The following CDK13 variants were observed in gnomAD, a reference collection of about 807,000 sequenced individuals.
The protein encoded by CDK13 is cyclin dependent kinase 13, also known as cyclin-dependent kinase 13.
A neutral mutation model predicts 137.6 loss-of-function variants in CDK13; 40 were observed. That is an observed-to-expected ratio of 0.29 (90% CI 0.23 to 0.38). CDK13 has a LOEUF of 0.38. Among genes scored for constraint, CDK13 ranks in the 10% least tolerant of loss-of-function variants. CDK13 has a pLI of 1.00. For missense variants in CDK13, 1,704 were observed against 1,951.8 expected (o/e 0.87, Z 2.39); for synonymous variants, 869 against 760.1 (o/e 1.14, Z -2.36).
chr7:40,076,674 AAG>A (rs1258430461), intron 9 of CDK13, among the ~76,000 whole-genome samples: 5 of 151,702 alleles, frequency 3.3e-5, no homozygotes, highest in African/African-American at 7.3e-5. Flanking sequence ...TGAGACAAAA[AAG>A]TACATTTCAG....
chr7:40,088,111 C>CTTT lies in CDK13; in HGVS notation c.3030-6_3030-4dup. The stretch of plus-strand genomic sequence containing the variant: ...AGAAATGCCATTTACAATTTAATTC[C>CTTT]TTTTTTTTTTTCAGTCTCCCTTTAT... On this transcript the variant is annotated splice_polypyrimidine_tract_variant and intron_variant, in intron 11 of 13. Coordinates refer to ENST00000181839, the MANE Select transcript of CDK13 (RefSeq NM_003718.5). The CTTT allele has an allele frequency of 1.5e-6, 2 of 1,330,052 alleles. No individual in the cohort carries two copies. The highest frequency in any genetic ancestry group is 1.4e-5 in the South Asian group (1 of 72,030). The allele number at this position is 1,330,052 out of a possible 1,614,324, so 82.4% of individuals were successfully genotyped here.
At chr7:40,039,271 T>TA (rs1046336753) in intron 5 of CDK13, among the ~76,000 whole-genome samples, 3 of 150,654 alleles carry the variant, frequency 2.0e-5, no homozygotes, top group Non-Finnish European at 4.4e-5. Context: ...TATATACAGA[T>TA]AGAGAGAGAG....
intron 5 of CDK13, among the ~76,000 whole-genome samples, chr7:40,007,440 G>T (rs1337116227): frequency 6.6e-6 from 1 of 152,030 alleles, no homozygotes; most frequent in African/African-American, 2.4e-5. Flanking sequence ...GTTTGTTTTT[G>T]TTTTGAGACG....
intron 5 of CDK13, among the ~76,000 whole-genome samples, chr7:40,045,198 A>G (rs183737665): frequency 6.6e-6 from 1 of 152,186 alleles, no homozygotes; most frequent in Admixed American, 6.5e-5. Context: ...TTCTTTTAGG[A>G]TTTCTAAATC....
chr7:40,015,129 T>C (rs1014270193), intron 5 of CDK13, among the ~76,000 whole-genome samples: 6 of 152,224 alleles, frequency 3.9e-5, no homozygotes, highest in South Asian at 4.1e-4. Flanking sequence ...AATGACTTTC[T>C]TCTCTGGGTT....
At chr7:40,076,836 G>C (rs1786555439) in intron 9 of CDK13, among the ~76,000 whole-genome samples, 1 of 152,050 alleles carries the variant, frequency 6.6e-6, no homozygotes, top group African/African-American at 2.4e-5. Flanking sequence ...CGTATGTTTG[G>C]AATATTTTTA....
intron 7 of CDK13, among the ~76,000 whole-genome samples, chr7:40,054,868 G>C (rs528495417): frequency 6.6e-6 from 1 of 152,248 alleles, no homozygotes; most frequent in Admixed American, 6.5e-5. Context: ...AAATATTAAT[G>C]AGATTTACAA....
chr7:40,006,747 A>C (rs955590015), intron 5 of CDK13, among the ~76,000 whole-genome samples: 54 of 152,236 alleles, frequency 3.5e-4, no homozygotes, highest in Admixed American at 1.3e-4. Context: ...GCGCCACTGC[A>C]CTCCAGCCTG....
chr7:40,033,490 A>G (rs1785421484), intron 5 of CDK13, among the ~76,000 whole-genome samples: 1 of 152,184 alleles, frequency 6.6e-6, no homozygotes, highest in South Asian at 2.1e-4. Flanking sequence ...TACGTGGTGT[A>G]GAAGGAACTG....
At position 39,976,288 on chromosome 7, in the gene CDK13, G is replaced by GTCTCTCTCTCTC. The variant is rs1174858221; in HGVS notation, c.1212-11286_1212-11275dup. ...AGCCTGGGCAACAGAGCGAGATTCC[G>GTCTCTCTCTCTC]TCTCTCTCTCTCTCTCTCTCTCTCT... On this transcript the variant is annotated intron_variant, in intron 1 of 13. Coordinates refer to ENST00000181839, the MANE Select transcript of CDK13 (RefSeq NM_003718.5). Among the ~76,000 whole-genome samples the GTCTCTCTCTCTC allele has an allele frequency of 9.1e-3, 272 of 29,868 alleles. 26 individuals carry two copies. Among genetic ancestry groups the GTCTCTCTCTCTC allele is most frequent in the Non-Finnish European group, 0.014 (160 of 11,278 alleles). 19.6% of individuals were successfully genotyped at this position (29,868 alleles called of 152,430 possible).
intron 5 of CDK13, among the ~76,000 whole-genome samples, chr7:40,042,448 C>G (rs1213888293): frequency 6.9e-6 from 1 of 144,832 alleles, no homozygotes. Flanking sequence ...GTTATAGATA[C>G]TTCTCCAGTT....
Position 40,078,730 on chromosome 7 carries a change from G to T in CDK13, c.2908G>T (p.Ala970Ser). The T allele has an allele frequency of 6.7e-7, 1 of 1,503,210 alleles. No individual in the cohort carries two copies. The allele number at this position is 1,503,210 out of a possible 1,614,324, so 93.1% of individuals were successfully genotyped here. A position where few individuals can be genotyped will look rare whatever the true frequency, so the allele number is the denominator to read the frequency against. Reference protein sequence around the residue: ...LREEFVFIPAAALDLFDYMLA... With the variant: ...LREEFVFIPASALDLFDYMLA... The stretch of plus-strand genomic sequence containing the variant: ...ATCCTCTCATGCTAGTATTCCTGCA[G>T]CTGCGCTAGACTTATTTGATTACAT... Residue 970 changes from alanine to serine, a missense_variant, in exon 11 of 14, where the codon GCT becomes TCT. Physicochemically the swap from Ala to Ser is moderately conservative, Grantham distance 99. Around this residue, in one of 5 missense-constraint regions of CDK13, gnomAD observed 45 missense variants for 57.0 expected, o/e 0.79. Coordinates refer to ENST00000181839, the MANE Select transcript of CDK13 (RefSeq NM_003718.5).
rs1463320682 is a variant in CDK13 at position 40,099,467 on chromosome 7, A to G, written c.*4487A>G. 2 of 152,210 alleles carry G rather than the reference A, an allele frequency of 1.3e-5. No individual in the cohort carries two copies. Among genetic ancestry groups the G allele is most frequent in the Non-Finnish European group, 2.9e-5 (2 of 68,034 alleles). The allele number at this position is 152,210 out of a possible 1,614,324, so 9.4% of individuals were successfully genotyped here. On this transcript the variant is annotated 3_prime_UTR_variant, in exon 14 of 14. Transcript: ENST00000181839. ...TGTACTCTCTTGCAAGAACGTTTAA[A>G]AGTTAAGTCTTGTAACTGTTAACAT... is the stretch of plus-strand genomic sequence containing the variant.
intron 1 of CDK13, among the ~76,000 whole-genome samples, chr7:39,963,609 C>T (rs1354519810): frequency 2.0e-5 from 3 of 152,064 alleles, no homozygotes; most frequent in Non-Finnish European, 2.9e-5. Flanking sequence ...AATTGAATAC[C>T]CTTTATTTCC....
Position 39,999,406 on chromosome 7 carries a change from C to G in CDK13, c.2088C>G (p.Asp696Glu). Residue 696 changes from aspartate to glutamate, a missense_variant, in exon 4 of 14, where the codon GAC becomes GAG. Asp to Glu is a conservative substitution (Grantham distance 45). Transcript: ENST00000181839. ...RYGETKEKDIDWGKRCVDKFD... is the reference protein window; with the variant it reads ...RYGETKEKDIEWGKRCVDKFD... ...GTGAAACCAAAGAAAAAGATATTGA[C>G]TGGGGAAAACGCTGCGTGGATAAAT... The G allele has an allele frequency of 1.9e-6, 3 of 1,612,762 alleles. No individual in the cohort carries two copies. The highest frequency in any genetic ancestry group is 1.1e-5 in the South Asian group (1 of 90,956).
chr7:40,094,010 AT>A, intron 13 of CDK13, 119 bp from the exon 14 acceptor site: 1 of 1,222,262 alleles, frequency 8.2e-7, no homozygotes. Context: ...TTCATTTAAC[AT>A]TTTGCCAGAG....
chr7:39,986,392 G>T (rs1372446507), intron 1 of CDK13: 1 of 152,132 alleles, frequency 6.6e-6, no homozygotes, highest in Non-Finnish European at 1.5e-5. Flanking sequence ...TAATTTTTGA[G>T]AAGTGAATGG....
intron 5 of CDK13, among the ~76,000 whole-genome samples, chr7:40,031,784 T>C (rs369508990): frequency 3.3e-5 from 5 of 149,448 alleles, no homozygotes; most frequent in African/African-American, 1.2e-4. Flanking sequence ...TAGCCGGGAC[T>C]GCAGGCACTC....
intron 1 of CDK13, chr7:39,984,609 G>A (rs531014749): frequency 6.6e-6 from 1 of 152,198 alleles, no homozygotes; most frequent in South Asian, 2.1e-4. Context: ...TGTGTTACAA[G>A]CATTTATCCT....
Sources: gnomAD v4.1 joint callset for allele counts (sites outside exome capture counted in the v4.1 genomes callset) on GRCh38, gnomAD v4.1.1 for gene constraint, gnomAD v4.1.1 regional missense constraint, MANE v1.5 for transcripts, NCBI Gene and HGNC (gene_info 2026-07-23, HGNC 2026-07-21) for gene names.